The following SS18 variants were observed in gnomAD, a reference collection of about 807,000 sequenced individuals.
SS18 encodes the protein SS18 subunit of BAF chromatin remodeling complex.
Under a neutral mutation model 72.5 loss-of-function variants are expected in SS18, and 28 were observed. That is an observed-to-expected ratio of 0.39 (90% CI 0.29 to 0.53). SS18 has a LOEUF of 0.53. SS18 is among the 20% of genes least tolerant of loss of function. SS18 has a pLI of 0.76. For synonymous variants in SS18, 172 were observed against 164.2 expected (o/e 1.05, Z -0.37); for missense variants, 518 against 535.3 (o/e 0.97, Z 0.32).
chr18:26,072,796 CAAAAAAAAA>C (rs71169810), intron 3 of SS18, among the ~76,000 whole-genome samples: 52 of 32,740 alleles, frequency 1.6e-3, no homozygotes, highest in Admixed American at 0.012. Flanking sequence ...GACTCCGTCT[CAAAAAAAAA>C]AAAAAAAAAA....
intron 2 of SS18, among the ~76,000 whole-genome samples, chr18:26,081,618 A>T (rs1360508944): frequency 6.6e-6 from 1 of 152,182 alleles, no homozygotes; most frequent in African/African-American, 2.4e-5. Flanking sequence ...ATACTCTAGG[A>T]GAATCTGGAC....
chr18:26,023,935 A>C (rs573430742), intron 10 of SS18, among the ~76,000 whole-genome samples: 2 of 152,318 alleles, frequency 1.3e-5, no homozygotes, highest in East Asian at 3.9e-4. Flanking sequence ...TACAGAAGTA[A>C]AATTTGTAAC....
chr18:26,044,228 A>G (rs572879189), intron 5 of SS18, among the ~76,000 whole-genome samples: 2 of 152,194 alleles, frequency 1.3e-5, no homozygotes, highest in Non-Finnish European at 2.9e-5. Flanking sequence ...GATTCTAAGT[A>G]TAGGCTACTA....
intron 5 of SS18, among the ~76,000 whole-genome samples, chr18:26,046,536 T>C (rs2053826970): frequency 6.6e-6 from 1 of 152,236 alleles, no homozygotes; most frequent in African/African-American, 2.4e-5. Flanking sequence ...CTCATTTGTA[T>C]CAATGAGTTC....
intron 10 of SS18, among the ~76,000 whole-genome samples, chr18:26,029,702 A>G (rs2053511445): frequency 1.3e-5 from 2 of 152,142 alleles, no homozygotes; most frequent in Non-Finnish European, 2.9e-5. Flanking sequence ...TATCTTGCAT[A>G]TTGCTGTAAG....
In SS18 at chr18:26,035,767, G is replaced by C; in HGVS notation, c.973+64C>G. 8.5e-7 allele frequency: 1 copy of C among 1,178,872 alleles called. No individual in the cohort carries two copies. The highest frequency in any genetic ancestry group is 1.2e-6 in the Non-Finnish European group (1 of 841,148). The allele number at this position is 1,178,872 out of a possible 1,614,324, so 73.0% of individuals were successfully genotyped here. On this transcript the variant is annotated intron_variant, in intron 8 of 10. Coordinates refer to ENST00000415083, the MANE Select transcript of SS18 (RefSeq NM_001007559.3). The surrounding 1 kb of genome is among the most constrained non-coding windows in gnomAD (Gnocchi z 4.4). Reference sequence around the variant, plus strand: ...TTTGCATGGGTAGAAGTTGTCTTATGCAAGAATTTTCATTCCTGTAGAAGG... The same window carrying C: ...TTTGCATGGGTAGAAGTTGTCTTATCCAAGAATTTTCATTCCTGTAGAAGG...
Position 26,035,046 on chromosome 18 carries a change from T to C in SS18, c.1055A>G (p.Tyr352Cys), listed in dbSNP as rs763190352. ...QQGYPPQQQQ[Y>C]PGQQGYPGQQ... ...TCCTGGGTAACCTTGCTGCCCTGGG[T>C]ACTGCTGCTGCTGGGGTGGATATCC... The change falls in exon 9 of 11, where the codon TAC (tyrosine) becomes TGC (cysteine). Residue 352 changes from tyrosine (Y) to cysteine (C), a missense_variant. Coordinates refer to ENST00000415083, the MANE Select transcript of SS18 (RefSeq NM_001007559.3). The surrounding 1 kb of genome is among the most constrained non-coding windows in gnomAD (Gnocchi z 4.4). The C allele has an allele frequency of 6.2e-7, 1 of 1,613,612 alleles. No individual in the cohort carries two copies. The highest frequency in any genetic ancestry group is 8.5e-7 in the Non-Finnish European group (1 of 1,179,646).
intron 6 of SS18, 77 bp downstream of exon 6, chr18:26,039,212 T>C (rs2053680496): frequency 8.4e-7 from 1 of 1,189,742 alleles, no homozygotes; most frequent in African/African-American, 1.6e-5. Flanking sequence ...GCCCTGACTT[T>C]GTCTAGATTA....
At chr18:26,075,711 T>G (rs1383931961) in intron 3 of SS18, among the ~76,000 whole-genome samples, 2 of 151,750 alleles carry the variant, frequency 1.3e-5, no homozygotes, top group African/African-American at 4.8e-5. Context: ...TATTCAGGAA[T>G]GTAATGGAGG....
chr18:26,090,168 G>A (rs901849709), intron 1 of SS18: 9 of 318,592 alleles, frequency 2.8e-5, no homozygotes, highest in African/African-American at 4.4e-5. Context: ...CCGCCGGTCC[G>A]ACACACGCCC....
At position 26,033,789 on chromosome 18, in the gene SS18, C is replaced by T. The variant is rs2143846274; in HGVS notation, c.1096+1216G>A. ...GGATTCCTGATGTCTAACAAAACAG[C>T]ATTTAACTATAATACTTCAACAAAA... On this transcript the variant is annotated intron_variant, in intron 9 of 10. Coordinates refer to ENST00000415083, the MANE Select transcript of SS18 (RefSeq NM_001007559.3). Among the ~76,000 whole-genome samples, 7 of 152,136 alleles carry T rather than the reference C, an allele frequency of 4.6e-5. 1 individual carries two copies. The South Asian group carries it at 1.5e-3, about 32-fold the overall frequency.
In SS18 at chr18:26,017,598, C is replaced by T. The variant is rs2053270151; in HGVS notation, c.*756G>A. 4.9e-6 allele frequency: 1 copy of T among 203,068 alleles called. No homozygotes were observed. Among genetic ancestry groups the T allele is most frequent in the South Asian group, 1.9e-4 (1 of 5,256 alleles). 12.6% of individuals were successfully genotyped at this position (203,068 alleles called of 1,614,324 possible). A position where few individuals can be genotyped will look rare whatever the true frequency, so the allele number is the denominator to read the frequency against. ...TCCAACACAAAGTAATTCTTATTGC[C>T]TCACATTTTAAAACAGTATTATAAA... On this transcript the variant is annotated 3_prime_UTR_variant, in exon 11 of 11. Coordinates refer to ENST00000415083, the MANE Select transcript of SS18 (RefSeq NM_001007559.3).
upstream of SS18, chr18:26,090,712 G>C: frequency 1.2e-6 from 1 of 863,896 alleles, no homozygotes; most frequent in Non-Finnish European, 1.8e-6. Context: ...CGGGCGGCGG[G>C]GCAGGCCTGA....
At chr18:26,080,740 ATTAG>A (rs1355598625) in intron 2 of SS18, among the ~76,000 whole-genome samples, 2 of 152,178 alleles carry the variant, frequency 1.3e-5, no homozygotes, top group Non-Finnish European at 2.9e-5. Context: ...TTCTCTAATG[ATTAG>A]TATTTTACCA....
rs1005412053 is a variant in SS18 at position 26,057,497 on chromosome 18, T to C, written c.385+92A>G. ...GTACTCGGGGGCATTCAAAGCAGTT[T>C]TGTCATCAACAATCTAGTATCCCTT... On this transcript the variant is annotated intron_variant, in intron 4 of 10. Transcript: ENST00000415083. The C allele has an allele frequency of 1.1e-4, 168 of 1,490,084 alleles. No individual in the cohort carries two copies. The East Asian group carries it at 3.1e-3, about 27-fold the overall frequency. 92.3% of individuals were successfully genotyped at this position (1,490,084 alleles called of 1,614,324 possible). A position where few individuals can be genotyped will look rare whatever the true frequency, so the allele number is the denominator to read the frequency against.
chr18:26,039,274 C>A lies in SS18; in HGVS notation c.775+15G>T. Reference sequence around the variant, plus strand: ...CAATTACATTAAGTAGCAAATTTTCCAAATGGAATCTTACCCTGTTGAGGA... The same window carrying A: ...CAATTACATTAAGTAGCAAATTTTCAAAATGGAATCTTACCCTGTTGAGGA... On this transcript the variant is annotated intron_variant, in intron 6 of 10. Transcript: ENST00000415083. The A allele has an allele frequency of 6.4e-7, 1 of 1,556,100 alleles. No homozygotes were observed. Among genetic ancestry groups the A allele is most frequent in the South Asian group, 1.2e-5 (1 of 83,664 alleles).
At chr18:26,048,058 T>A (rs191144400) in intron 5 of SS18, among the ~76,000 whole-genome samples, 1 of 152,314 alleles carries the variant, frequency 6.6e-6, no homozygotes, top group African/African-American at 2.4e-5. Context: ...ACCTGACTAA[T>A]AATTGAAGAA....
rs778157911 is a variant in SS18, at chr18:26,039,417, T to C, written c.647A>G (p.Asn216Ser). Residue 216 changes from asparagine (N) to serine (S), a missense_variant, in exon 6 of 11, where the codon AAT becomes AGT. Asn to Ser is a conservative substitution (Grantham distance 46). Coordinates refer to ENST00000415083, the MANE Select transcript of SS18 (RefSeq NM_001007559.3). ...ATGCTGTCCGCCTCCCTGTGGCATA[T>C]TGTATTGCTGAGAAGGAGGCTGCTG... The part of the protein sequence containing the change: ...MHQQPPSQQY[N>S]MPQGGGQHYQ... The C allele has an allele frequency of 9.9e-6, 16 of 1,613,666 alleles. No homozygotes were observed. The highest frequency in any genetic ancestry group is 2.7e-5 in the African/African-American group (2 of 74,880).
chr18:26,019,338 G>A (rs2053303639), intron 10 of SS18, among the ~76,000 whole-genome samples: 1 of 151,998 alleles, frequency 6.6e-6, no homozygotes. Flanking sequence ...TGTTTCCTTT[G>A]GCTAAACAAC....
Sources: gnomAD v4.1 joint callset for allele counts (sites outside exome capture counted in the v4.1 genomes callset) on GRCh38, gnomAD v4.1.1 for gene constraint, Gnocchi (gnomAD v3.1) non-coding constraint, MANE v1.5 for transcripts, NCBI Gene and HGNC (gene_info 2026-07-23, HGNC 2026-07-21) for gene names.